NGLY1: variants seen among roughly 807,000 people sequenced by gnomAD.
NGLY1 encodes the protein N-glycanase 1, also known as peptide-N(4)-(N-acetyl-beta-glucosaminyl)asparagine amidase.
NGLY1 carries 68 observed loss-of-function variants against 84.6 expected under a neutral mutation model. The ratio of observed to expected loss-of-function variants is 0.80; its 90% CI spans 0.66 to 0.98. NGLY1 has a LOEUF of 0.98. Among genes scored for constraint, NGLY1 ranks in the 50% least tolerant of loss-of-function variants. The pLI, the probability that NGLY1 is intolerant of heterozygous loss-of-function variation, is 0.00. For missense variants in NGLY1, 779 were observed against 770.2 expected, an observed-to-expected ratio of 1.01 and a Z score of -0.14; for synonymous variants, 280 against 275.2, an observed-to-expected ratio of 1.02 and a Z score of -0.17.
At chr3:25,781,133 T>C (rs1157483182) in intron 1 of NGLY1, among the ~76,000 whole-genome samples, 2 of 152,130 alleles carry the variant, frequency 1.3e-5, no homozygotes, top group Admixed American at 6.5e-5. Context: ...AATTTTTTTG[T>C]AGAGACGGGG....
chr3:25,739,933 G>T, intron 4 of NGLY1, 134 bp from the exon 5 acceptor site: 1 of 675,608 alleles, frequency 1.5e-6, no homozygotes, highest in Non-Finnish European at 2.5e-6. Context: ...CTAATAAGAG[G>T]CAAGAAGAAA....
In NGLY1 at chr3:25,783,079, C is replaced by G; in HGVS notation, c.131+181G>C. On this transcript the variant is annotated intron_variant, in intron 1 of 11. Coordinates refer to ENST00000280700, the MANE Select transcript of NGLY1 (RefSeq NM_018297.4). The surrounding 1 kb of genome is among the most constrained non-coding windows in gnomAD (Gnocchi z 4.5). Reference sequence around the variant, plus strand: ...TTTCTCGAGCGGGGGTGGGACTTGGCCGGGTCCCGAGGCCCCTGGCCGGCG... The same window carrying G: ...TTTCTCGAGCGGGGGTGGGACTTGGGCGGGTCCCGAGGCCCCTGGCCGGCG... The G allele has an allele frequency of 1.8e-6, 1 of 568,660 alleles. No homozygotes were observed. The highest frequency in any genetic ancestry group is 3.1e-6 in the Non-Finnish European group (1 of 323,360). 35.2% of individuals were successfully genotyped at this position (568,660 alleles called of 1,614,324 possible). A position where few individuals can be genotyped will look rare whatever the true frequency, so the allele number is the denominator to read the frequency against.
At chr3:25,753,417 CA>C (rs11306756) in intron 3 of NGLY1, among the ~76,000 whole-genome samples, 96,963 of 151,558 alleles carry the variant, frequency 0.64, 36,834 homozygotes, top group East Asian at 0.91. Flanking sequence ...TTATTATAGC[CA>C]AAAAAAATAT....
chr3:25,781,453 G>A (rs1403748284), intron 1 of NGLY1, among the ~76,000 whole-genome samples: 1 of 152,182 alleles, frequency 6.6e-6, no homozygotes, highest in Non-Finnish European at 1.5e-5. Context: ...CAAAGACTTA[G>A]AGGGCTGTAG....
At position 25,760,324 on chromosome 3, in the gene NGLY1, T is replaced by C. The variant is rs1237453120; in HGVS notation, c.492+3742A>G. Among the ~76,000 whole-genome samples the C allele has an allele frequency of 5.3e-5, 8 of 152,136 alleles. No individual in the cohort carries two copies. The East Asian group carries it at 5.8e-4, about 11-fold the overall frequency. ...AAGAAAAATCAAAATATTACACATA[T>C]ACAGACAACATATGTTGTTTAATTT... On this transcript the variant is annotated intron_variant, in intron 3 of 11. Coordinates refer to ENST00000280700, the MANE Select transcript of NGLY1 (RefSeq NM_018297.4).
chr3:25,733,814 A>C, intron 8 of NGLY1, 58 bp downstream of exon 8: 1 of 1,161,042 alleles, frequency 8.6e-7, no homozygotes, highest in East Asian at 2.5e-5. Context: ...ATAAACGGCT[A>C]TTCTCGATTA....
chr3:25,744,000 GGTTT>G (rs1308983549), intron 4 of NGLY1, among the ~76,000 whole-genome samples: 1 of 151,914 alleles, frequency 6.6e-6, no homozygotes, highest in Non-Finnish European at 1.5e-5. Context: ...GTGAATACTG[GGTTT>G]ATTTCAAAAA....
At chr3:25,753,167 AAG>A (rs1400897197) in intron 3 of NGLY1, among the ~76,000 whole-genome samples, 9 of 152,318 alleles carry the variant, frequency 5.9e-5, no homozygotes, top group East Asian at 5.8e-4. Flanking sequence ...ACAAAATCCT[AAG>A]AGTCTTCAAG....
chr3:25,760,094 T>A (rs1354716236), intron 3 of NGLY1, among the ~76,000 whole-genome samples: 3 of 152,128 alleles, frequency 2.0e-5, no homozygotes, highest in Admixed American at 6.5e-5. Context: ...TAAACTTATT[T>A]AAAGAAAAAC....
intron 6 of NGLY1, chr3:25,737,028 TTATATAA>T (rs1248371366): frequency 4.5e-6 from 1 of 223,332 alleles, no homozygotes; most frequent in Non-Finnish European, 8.7e-6. Flanking sequence ...TCTGTAGAAT[TTATATAA>T]ATGCATTACA....
intron 3 of NGLY1, among the ~76,000 whole-genome samples, chr3:25,761,733 T>C (rs897586251): frequency 6.6e-6 from 1 of 152,138 alleles, no homozygotes; most frequent in South Asian, 2.1e-4. Context: ...TAAAAACATA[T>C]GTCTACACAA....
intron 3 of NGLY1, among the ~76,000 whole-genome samples, chr3:25,756,719 T>G (rs532712904): frequency 6.6e-6 from 1 of 152,286 alleles, no homozygotes; most frequent in South Asian, 2.1e-4. Flanking sequence ...TCAGATCACA[T>G]TTTTAGCTAG....
intron 2 of NGLY1, among the ~76,000 whole-genome samples, chr3:25,774,710 G>C (rs1324636373): frequency 6.6e-6 from 1 of 152,118 alleles, no homozygotes; most frequent in Non-Finnish European, 1.5e-5. Context: ...CAGGCTACAA[G>C]TCTCCCCACT....
chr3:25,750,669 A>T (rs964187149), intron 4 of NGLY1, among the ~76,000 whole-genome samples: 6 of 152,242 alleles, frequency 3.9e-5, no homozygotes, highest in Admixed American at 2.6e-4. Flanking sequence ...AATTGAAAAA[A>T]AAGGTGATAT....
intron 2 of NGLY1, among the ~76,000 whole-genome samples, chr3:25,775,114 T>C (rs1708094505): frequency 6.6e-6 from 1 of 152,372 alleles, no homozygotes; most frequent in African/African-American, 2.4e-5. Context: ...CACTCACAGG[T>C]TTTCCTCTGT....
At chr3:25,787,107 C>A (rs928575394), upstream of NGLY1, among the ~76,000 whole-genome samples, 1 of 152,150 alleles carries the variant, frequency 6.6e-6, no homozygotes, top group African/African-American at 2.4e-5. Flanking sequence ...TGGTAACAAG[C>A]CCTTCAGGTG....
upstream of NGLY1, among the ~76,000 whole-genome samples, chr3:25,787,189 C>T (rs1328771906): frequency 6.6e-6 from 1 of 152,168 alleles, no homozygotes; most frequent in East Asian, 1.9e-4. Flanking sequence ...GCTGCAGTTT[C>T]AGTGAGGGGG....
chr3:25,763,556 A>C (rs1393167477), intron 3 of NGLY1, among the ~76,000 whole-genome samples: 1 of 152,214 alleles, frequency 6.6e-6, no homozygotes, highest in Non-Finnish European at 1.5e-5. Context: ...AATTTTTCTG[A>C]CAGTAAAAAC....
chr3:25,720,032 GT>G lies in NGLY1; in HGVS notation c.1770del (p.Gln591LysfsTer2). 1.2e-6 allele frequency: 2 copies of G among 1,612,738 alleles called. No homozygotes were observed. Among genetic ancestry groups the G allele is most frequent in the Non-Finnish European group, 1.7e-6 (2 of 1,179,180 alleles). On this transcript the variant is annotated frameshift_variant, in exon 11 of 12. Transcript: ENST00000280700. LOFTEE classifies it high-confidence loss of function. The stretch of plus-strand genomic sequence containing the variant: ...TGCTTACCGCCTGTCAGTTCTACTT[GT>G]GCTGTATCAGATCGCAATTTCCATT... ...TVEWKLRSDT[A>X]QVELTGDNSL...
Sources: allele counts gnomAD v4.1 joint callset (sites outside exome capture counted in the v4.1 genomes callset), GRCh38; gene constraint gnomAD v4.1.1; non-coding constraint Gnocchi (gnomAD v3.1); transcripts MANE v1.5; gene names NCBI Gene and HGNC (gene_info 2026-07-23, HGNC 2026-07-21).